The following CDH19 variants were observed in gnomAD, a reference collection of about 807,000 sequenced individuals.
The protein encoded by CDH19 is cadherin-19.
A neutral mutation model predicts 64.2 loss-of-function variants in CDH19; 67 were observed. The ratio of observed to expected loss-of-function variants is 1.04; its 90% CI spans 0.86 to 1.28. The LOEUF (loss-of-function observed/expected upper bound fraction) is 1.28, where lower values mean the gene tolerates loss of function less well. Among genes scored for constraint, CDH19 ranks in the 50% most tolerant of loss-of-function variants. The probability of loss-of-function intolerance (pLI) is 0.00; values close to 1 mark genes in which losing one functional copy is unlikely to be tolerated. For missense variants in CDH19, 1,030 were observed against 929.0 expected, an observed-to-expected ratio of 1.11 and a Z score of -1.41; for synonymous variants, 346 against 319.3, an observed-to-expected ratio of 1.08 and a Z score of -0.89.
At chr18:66,547,629 T>C (rs1470832177) in intron 5 of CDH19, among the ~76,000 whole-genome samples, 1 of 149,216 alleles carries the variant, frequency 6.7e-6, no homozygotes, top group Admixed American at 6.7e-5. Context: ...GAGGGGCAGC[T>C]GGAATCAGGA....
In CDH19 at chr18:66,572,159, G is replaced by A; in HGVS notation, c.46C>T (p.Leu16=). The A allele has an allele frequency of 6.2e-7, 1 of 1,611,320 alleles. No homozygotes were observed. Among genetic ancestry groups the A allele is most frequent in the Non-Finnish European group, 8.5e-7 (1 of 1,178,254 alleles). ...LLRFMLGIPL[L]WPCLGATENS... ...TCTGTTGCTCCAAGACAAGGCCATA[G>A]GAGAGGAATTCCCAACATAAAACGC... Residue 16 remains leucine, a synonymous_variant, in exon 2 of 12, where the codon CTA becomes TTA. Coordinates refer to ENST00000262150, the MANE Select transcript of CDH19 (RefSeq NM_021153.4).
intron 7 of CDH19, among the ~76,000 whole-genome samples, chr18:66,535,948 TAAAAC>T (rs1986652071): frequency 6.8e-6 from 1 of 146,810 alleles, no homozygotes; most frequent in South Asian, 2.1e-4. Context: ...TACACACATA[TAAAAC>T]AAAAGTAAAA....
At chr18:66,571,567 G>A (rs1169552391) in intron 2 of CDH19, among the ~76,000 whole-genome samples, 1 of 151,564 alleles carries the variant, frequency 6.6e-6, no homozygotes, top group Non-Finnish European at 1.5e-5. Context: ...ATCAATTTAA[G>A]TGTGTAGGCT....
intron 1 of CDH19, among the ~76,000 whole-genome samples, chr18:66,574,013 C>G (rs1464842102): frequency 6.6e-6 from 1 of 151,500 alleles, no homozygotes; most frequent in Non-Finnish European, 1.5e-5. Context: ...AATATTCATA[C>G]AGTGTTCAAA....
chr18:66,554,309 G>T, intron 4 of CDH19, 96 bp downstream of exon 4: 1 of 1,220,662 alleles, frequency 8.2e-7, no homozygotes, highest in East Asian at 2.4e-5. Flanking sequence ...TGACATATCA[G>T]GACTACTGTA....
At chr18:66,579,049 G>A (rs1988347829) in intron 1 of CDH19, among the ~76,000 whole-genome samples, 1 of 151,846 alleles carries the variant, frequency 6.6e-6, no homozygotes, top group African/African-American at 2.4e-5. Context: ...AGTGATGATT[G>A]TGCTCATTAT....
At chr18:66,562,135 G>A (rs927065350) in intron 3 of CDH19, among the ~76,000 whole-genome samples, 12 of 151,906 alleles carry the variant, frequency 7.9e-5, no homozygotes, top group Non-Finnish European at 1.2e-4. Flanking sequence ...AGGGTGGGGA[G>A]TGGGCATGGG....
At chr18:66,545,844 T>C (rs1987095028) in intron 5 of CDH19, among the ~76,000 whole-genome samples, 1 of 152,076 alleles carries the variant, frequency 6.6e-6, no homozygotes, top group African/African-American at 2.4e-5. Context: ...GTGAATGTAA[T>C]ATAAAAAACA....
At chr18:66,519,710 T>C (rs898354795) in intron 9 of CDH19, among the ~76,000 whole-genome samples, 1 of 152,034 alleles carries the variant, frequency 6.6e-6, no homozygotes, top group African/African-American at 2.4e-5. Flanking sequence ...TTCAAAAACA[T>C]GGGACAAAAC....
Position 66,572,235 on chromosome 18 carries a change from T to C in CDH19, c.-31A>G. Reference sequence around the variant, plus strand: ...TGACTCTTTTGATTCCAACTATTACTCTTCAGAGGAAACAGGACGTCACTA... The same window carrying C: ...TGACTCTTTTGATTCCAACTATTACCCTTCAGAGGAAACAGGACGTCACTA... On this transcript the variant is annotated 5_prime_UTR_variant, in exon 2 of 12. Transcript: ENST00000262150. 2 of 1,555,984 alleles carry C rather than the reference T, an allele frequency of 1.3e-6. No individual in the cohort carries two copies. Among genetic ancestry groups the C allele is most frequent in the Middle Eastern group, 1.7e-4 (1 of 5,756 alleles).
chr18:66,554,667 T>A, intron 3 of CDH19, 143 bp from the exon 4 acceptor site: 1 of 574,920 alleles, frequency 1.7e-6, no homozygotes, highest in Non-Finnish European at 2.8e-6. Context: ...ATTGTAAAAG[T>A]AATGTATTTT....
intron 1 of CDH19, among the ~76,000 whole-genome samples, chr18:66,596,602 T>C (rs766438581): frequency 3.2e-4 from 48 of 151,984 alleles, no homozygotes; most frequent in Non-Finnish European, 6.2e-4. Context: ...CAGGGAGGTG[T>C]AATTTCTCTA....
chr18:66,568,616 C>A lies in CDH19; in HGVS notation c.290G>T (p.Gly97Val). 1 of 1,611,896 alleles carries A rather than the reference C, an allele frequency of 6.2e-7. No individual in the cohort carries two copies. The highest frequency in any genetic ancestry group is 1.1e-5 in the South Asian group (1 of 91,038). The change falls in exon 3 of 12, where the codon GGT becomes GTT. Residue 97 changes from glycine (G) to valine (V), a missense_variant. Transcript: ENST00000262150. ...GSTFIIDERT[G>V]DIYAIQKLDR... ...AAGCTTCTGTATGGCATATATGTCA[C>A]CTGTTCTTTCATCAATGATAAAAGT...
chr18:66,505,972 A>T (rs1985179583), intron 11 of CDH19, among the ~76,000 whole-genome samples: 1 of 151,974 alleles, frequency 6.6e-6, no homozygotes, highest in South Asian at 2.1e-4. Context: ...TAGTTGAGAG[A>T]TACAATGGAA....
chr18:66,568,373 C>A (rs1253359392), intron 3 of CDH19, 43 bp downstream of exon 3: 3 of 1,463,884 alleles, frequency 2.0e-6, no homozygotes, highest in Non-Finnish European at 2.8e-6. Flanking sequence ...TTTAAACCTG[C>A]TTCATTGTTA....
At chr18:66,568,378 T>C (rs769612249) in intron 3 of CDH19, 38 bp downstream of exon 3, 6 of 1,490,626 alleles carry the variant, frequency 4.0e-6, no homozygotes, top group South Asian at 1.2e-5. Flanking sequence ...ACCTGCTTCA[T>C]TGTTAATATA....
intron 7 of CDH19, among the ~76,000 whole-genome samples, chr18:66,540,919 A>G (rs1170960906): frequency 6.6e-6 from 1 of 152,198 alleles, no homozygotes; most frequent in Non-Finnish European, 1.5e-5. Context: ...ATTTTATGGT[A>G]GTAATTTTAT....
At chr18:66,564,953 T>C (rs1987855785) in intron 3 of CDH19, among the ~76,000 whole-genome samples, 1 of 151,778 alleles carries the variant, frequency 6.6e-6, no homozygotes, top group South Asian at 2.1e-4. Context: ...AGGCTGGCTA[T>C]TCAGATACAA....
At chr18:66,508,016 T>C (rs1598963904) in intron 11 of CDH19, among the ~76,000 whole-genome samples, 1 of 151,848 alleles carries the variant, frequency 6.6e-6, no homozygotes, top group Non-Finnish European at 1.5e-5. Flanking sequence ...AGTGAATTAA[T>C]GGATAAGGAA....
Sources: gnomAD v4.1 joint callset for allele counts (sites outside exome capture counted in the v4.1 genomes callset) on GRCh38, gnomAD v4.1.1 for gene constraint, MANE v1.5 for transcripts, NCBI Gene and HGNC (gene_info 2026-07-23, HGNC 2026-07-21) for gene names.